CCSER2: variants seen among roughly 807,000 people sequenced by gnomAD.
The protein encoded by CCSER2 is serine-rich coiled-coil domain-containing protein 2.
In CCSER2, 46 loss-of-function variants were observed where a neutral mutation model predicts 92.3. The ratio of observed to expected loss-of-function variants is 0.50; its 90% CI spans 0.39 to 0.64. The LOEUF (loss-of-function observed/expected upper bound fraction) is 0.64. Ranked by LOEUF, CCSER2 falls within the 30% of genes least tolerant of loss-of-function variation. CCSER2 has a pLI of 0.00. For synonymous variants in CCSER2, 433 were observed against 431.4 expected (o/e 1.00, Z -0.04); for missense variants, 1,244 against 1,238.9 (o/e 1.00, Z -0.06).
At chr10:84,378,117 C>G (rs1465350954) in intron 3 of CCSER2, among the ~76,000 whole-genome samples, 1 of 152,182 alleles carries the variant, frequency 6.6e-6, no homozygotes, top group East Asian at 1.9e-4. Context: ...AGAGAGAAAG[C>G]CTTAATAGTT....
At chr10:84,480,782 G>A (rs1847411618) in intron 9 of CCSER2, among the ~76,000 whole-genome samples, 3 of 152,154 alleles carry the variant, frequency 2.0e-5, no homozygotes, top group Admixed American at 2.0e-4. Context: ...TTGGTGTTGT[G>A]TGTATATGTG....
chr10:84,352,178 C>G (rs748237351), intron 1 of CCSER2, among the ~76,000 whole-genome samples: 2 of 152,054 alleles, frequency 1.3e-5, no homozygotes, highest in Non-Finnish European at 2.9e-5. Context: ...GTGGCACACG[C>G]CTATAGTCCC....
chr10:84,508,960 A>G (rs1849210245), intron 9 of CCSER2, among the ~76,000 whole-genome samples: 1 of 152,198 alleles, frequency 6.6e-6, no homozygotes, highest in African/African-American at 2.4e-5. Flanking sequence ...CTAGTAGCTG[A>G]ATGCTTGTTA....
At chr10:84,383,236 A>G (rs1018608730) in intron 3 of CCSER2, among the ~76,000 whole-genome samples, 1 of 152,202 alleles carries the variant, frequency 6.6e-6, no homozygotes, top group African/African-American at 2.4e-5. Context: ...CTAATTTTGT[A>G]TCTGTGACAT....
At chr10:84,489,648 C>T (rs1044867986) in intron 9 of CCSER2, among the ~76,000 whole-genome samples, 13 of 152,094 alleles carry the variant, frequency 8.5e-5, no homozygotes, top group Admixed American at 6.6e-5. Context: ...CACATGAGAT[C>T]GGTCTCCTGA....
At chr10:84,339,527 G>A (rs548220961) in intron 1 of CCSER2, among the ~76,000 whole-genome samples, 61 of 151,574 alleles carry the variant, frequency 4.0e-4, no homozygotes, top group African/African-American at 1.2e-3. Context: ...CCAGGCTGGA[G>A]TGCAATGGCG....
chr10:84,348,647 T>G (rs1844687699), intron 1 of CCSER2, among the ~76,000 whole-genome samples: 2 of 152,086 alleles, frequency 1.3e-5, no homozygotes, highest in African/African-American at 4.8e-5. Context: ...ATGGAGTAGG[T>G]TGAGGAGGGA....
rs150301166 is a variant in CCSER2 at position 84,373,790 on chromosome 10, A to G, written c.1589A>G (p.Tyr530Cys). The G allele has an allele frequency of 4.3e-5, 69 of 1,613,720 alleles. No homozygotes were observed. In the African/African-American group the frequency reaches 7.7e-4, roughly 18 times the overall value. The change falls in exon 3 of 10, where the codon TAT (tyrosine) becomes TGT (cysteine). Residue 530 changes from tyrosine to cysteine, a missense_variant. By Grantham distance (194) the Tyr-to-Cys change is radical (BLOSUM62 -2). Coordinates refer to ENST00000372088, the MANE Select transcript of CCSER2 (RefSeq NM_001284240.2). Reference sequence around the variant, plus strand: ...GGAAATGTCCATCCAGTTGGGAGCTATGAGTCCTCTGAAATGAACAGCATA... The same window carrying G: ...GGAAATGTCCATCCAGTTGGGAGCTGTGAGTCCTCTGAAATGAACAGCATA... Reference protein sequence around the residue: ...PIGNVHPVGSYESSEMNSIDI... With the variant: ...PIGNVHPVGSCESSEMNSIDI...
chr10:84,514,138 C>T lies in CCSER2; in HGVS notation c.3015C>T (p.Ala1005=). 6.5e-7 allele frequency: 1 copy of T among 1,536,228 alleles called. No homozygotes were observed. Among genetic ancestry groups the T allele is most frequent in the Non-Finnish European group, 8.7e-7 (1 of 1,146,936 alleles). ...SPQLEPQSFQ[A]KTSIPRPLTQ... is the part of the protein sequence containing the mutation. ...AACTAGAGCCTCAAAGCTTCCAGGC[C>T]AAGACAAGCATCCCAAGGCCACTAA... Residue 1005 remains alanine, a synonymous_variant, in exon 10 of 10, where the codon GCC becomes GCT. Transcript: ENST00000372088.
chr10:84,495,587 TTC>T (rs1203522909), intron 9 of CCSER2, among the ~76,000 whole-genome samples: 35 of 152,314 alleles, frequency 2.3e-4, no homozygotes, highest in African/African-American at 8.2e-4. Flanking sequence ...GATTTGGCGA[TTC>T]TCTCAGTTTT....
chr10:84,434,280 A>C (rs576036849), intron 5 of CCSER2, among the ~76,000 whole-genome samples: 1 of 152,126 alleles, frequency 6.6e-6, no homozygotes, highest in East Asian at 1.9e-4. Context: ...TGAAATCTCA[A>C]ATTCTGAGAT....
intron 1 of CCSER2, among the ~76,000 whole-genome samples, chr10:84,349,591 A>G (rs75901652): frequency 0.022 from 3,273 of 152,208 alleles, 96 homozygotes; most frequent in Admixed American, 0.074. Flanking sequence ...CTGAGATGAG[A>G]GGACTGCTTG....
chr10:84,471,857 AAAATATTC>A (rs1846822683), intron 8 of CCSER2, among the ~76,000 whole-genome samples: 1 of 152,072 alleles, frequency 6.6e-6, no homozygotes, highest in African/African-American at 2.4e-5. Context: ...TTAATTTTGG[AAAATATTC>A]AGATTAAATA....
intron 3 of CCSER2, among the ~76,000 whole-genome samples, chr10:84,414,389 T>A (rs75473808): frequency 1.8e-4 from 28 of 152,266 alleles, no homozygotes; most frequent in Middle Eastern, 3.4e-3. Context: ...AAGGATCTTA[T>A]TTCTCCTTTG....
intron 4 of CCSER2, among the ~76,000 whole-genome samples, chr10:84,423,982 T>TAAAAAA (rs3044102): frequency 9.2e-6 from 1 of 108,176 alleles, no homozygotes; most frequent in Non-Finnish European, 1.8e-5. Flanking sequence ...CCCCATCTCT[T>TAAAAAA]AAAAAAAAAA....
chr10:84,507,639 C>T (rs1849132981), intron 9 of CCSER2, among the ~76,000 whole-genome samples: 1 of 152,180 alleles, frequency 6.6e-6, no homozygotes, highest in African/African-American at 2.4e-5. Flanking sequence ...CAGGACTTGA[C>T]ATTTTAGCTG....
intron 3 of CCSER2, chr10:84,391,950 G>A (rs1215668518): frequency 7.3e-7 from 1 of 1,367,940 alleles, no homozygotes; most frequent in African/African-American, 1.4e-5. Flanking sequence ...GATCCTTCAT[G>A]GATTTAAAAA....
At chr10:84,329,430 G>T (rs1167887633) in intron 1 of CCSER2, among the ~76,000 whole-genome samples, 1 of 152,194 alleles carries the variant, frequency 6.6e-6, no homozygotes, top group East Asian at 1.9e-4. Context: ...ATATTCATCT[G>T]TGTGGGCTCC....
At chr10:84,361,556 T>A (rs1269112534) in intron 1 of CCSER2, among the ~76,000 whole-genome samples, 5 of 152,208 alleles carry the variant, frequency 3.3e-5, no homozygotes. Flanking sequence ...AGGATCCTGT[T>A]AGTTTTATCT....
Sources: allele counts gnomAD v4.1 joint callset (sites outside exome capture counted in the v4.1 genomes callset), GRCh38; gene constraint gnomAD v4.1.1; transcripts MANE v1.5; gene names NCBI Gene and HGNC (gene_info 2026-07-23, HGNC 2026-07-21).